The following MID1 variants were observed in gnomAD, a reference collection of about 807,000 sequenced individuals.
The protein encoded by MID1 is E3 ubiquitin-protein ligase Midline-1.
MID1 carries 7 observed loss-of-function variants against 40.4 expected under a neutral mutation model. That is an observed-to-expected ratio of 0.17 (90% confidence interval 0.10 to 0.33). MID1 has a LOEUF of 0.33. Ranked by LOEUF, MID1 falls within the 10% of genes least tolerant of loss-of-function variation. The probability of loss-of-function intolerance (pLI) is 1.00; values close to 1 mark genes in which losing one functional copy is unlikely to be tolerated. For missense variants in MID1, 367 were observed against 558.5 expected (o/e 0.66, Z 3.46); for synonymous variants, 229 against 221.2 (o/e 1.04, Z -0.31).
chrX:10,514,997 T>G (rs1237832201), intron 3 of MID1, among the ~76,000 whole-genome samples: 2 of 111,297 alleles, frequency 1.8e-5, no homozygotes, highest in African/African-American at 6.5e-5. Flanking sequence ...CTTTGGACAT[T>G]CATGTCGGCC....
intron 1 of MID1, among the ~76,000 whole-genome samples, chrX:10,729,173 C>T (rs776483873): frequency 7.1e-4 from 79 of 111,996 alleles, no homozygotes; most frequent in African/African-American, 2.5e-3. Context: ...TCCTGTGTCA[C>T]AGGGGCTTGC....
upstream of MID1, among the ~76,000 whole-genome samples, chrX:10,624,680 G>A (rs944998525): frequency 1.3e-4 from 14 of 111,237 alleles, no homozygotes; most frequent in African/African-American, 4.6e-4. Flanking sequence ...GCATAATCTC[G>A]GCTCACTGCA....
intron 1 of MID1, among the ~76,000 whole-genome samples, chrX:10,782,799 A>C (rs2043856056): frequency 8.9e-6 from 1 of 112,109 alleles, no homozygotes; most frequent in South Asian, 3.7e-4. Context: ...TCAATCAAAA[A>C]TTTAAAACAG....
intron 7 of MID1, 69 bp from the exon 8 acceptor site, chrX:10,459,876 T>C: frequency 4.7e-6 from 5 of 1,068,004 alleles, no homozygotes; most frequent in Non-Finnish European, 6.5e-6. Flanking sequence ...AATTTTAGGT[T>C]GAATAATTTC....
At chrX:10,821,870 G>T (rs986155070) in intron 1 of MID1, among the ~76,000 whole-genome samples, 1 of 110,035 alleles carries the variant, frequency 9.1e-6, no homozygotes, top group Non-Finnish European at 1.9e-5. Context: ...GCCTCTTCTT[G>T]ATCCCTTAGT....
rs778423376 is a variant in MID1, at chrX:10,713,214, T to C, written c.-186-92795A>G. Among the ~76,000 whole-genome samples, 4 of 112,391 alleles carry C rather than the reference T, an allele frequency of 3.6e-5. No individual in the cohort carries two copies. The East Asian group carries it at 1.1e-3, about 31-fold the overall frequency. ...GAGAACCACGCCCGGCCTAGTTCAC[T>C]GTGCTTTAAATCTTCCAGGTGTTGC... is the stretch of plus-strand genomic sequence containing the variant. On this transcript the variant is annotated intron_variant, in intron 1 of 10. Transcript: ENST00000380785.
At chrX:10,731,966 C>CAAAAAAAAAAAAAAA (rs754605735) in intron 1 of MID1, among the ~76,000 whole-genome samples, 2 of 26,650 alleles carry the variant, frequency 7.5e-5, no homozygotes, top group African/African-American at 1.9e-4. Context: ...GAATCTATCA[C>CAAAAAAAAAAAAAAA]AAAAAAAAAA....
chrX:10,519,926 G>A (rs1932626611), intron 3 of MID1, among the ~76,000 whole-genome samples: 1 of 112,140 alleles, frequency 8.9e-6, no homozygotes, highest in African/African-American at 3.2e-5. Context: ...CAAACACAAA[G>A]TATTTTAAGC....
At chrX:10,818,850 A>T (rs759809887) in intron 1 of MID1, among the ~76,000 whole-genome samples, 3 of 111,973 alleles carry the variant, frequency 2.7e-5, no homozygotes, top group Non-Finnish European at 5.6e-5. Context: ...CAAGGTTAGG[A>T]AGTTAAGTGT....
chrX:10,814,821 T>C (rs1224836398), intron 1 of MID1, among the ~76,000 whole-genome samples: 1 of 111,998 alleles, frequency 8.9e-6, no homozygotes, highest in Non-Finnish European at 1.9e-5. Flanking sequence ...TGACACTGAC[T>C]TTTCATTCAG....
intron 1 of MID1, among the ~76,000 whole-genome samples, chrX:10,703,017 C>A (rs2043202219): frequency 8.9e-6 from 1 of 111,907 alleles, no homozygotes; most frequent in South Asian, 3.8e-4. Flanking sequence ...GACTTTCCAG[C>A]CTCCAGAACT....
chrX:10,719,224 G>C (rs2147095052), intron 1 of MID1, among the ~76,000 whole-genome samples: 1 of 110,454 alleles, frequency 9.1e-6, no homozygotes, highest in African/African-American at 3.3e-5. Context: ...AGGAAATAAA[G>C]GGTATTCAAT....
chrX:10,720,194 A>G (rs1169449108), intron 1 of MID1, among the ~76,000 whole-genome samples: 3 of 112,064 alleles, frequency 2.7e-5, no homozygotes, highest in Non-Finnish European at 5.6e-5. Flanking sequence ...GAAAATTGAC[A>G]AATGGGATCC....
At chrX:10,795,013 C>T (rs1602582442) in intron 1 of MID1, among the ~76,000 whole-genome samples, 1 of 111,592 alleles carries the variant, frequency 9.0e-6, no homozygotes, top group Non-Finnish European at 1.9e-5. Context: ...GATTTCTCAG[C>T]CTAGGCACTA....
intron 1 of MID1, among the ~76,000 whole-genome samples, chrX:10,607,823 G>GCCCA (rs1048806151): frequency 8.9e-6 from 1 of 112,150 alleles, no homozygotes; most frequent in African/African-American, 3.2e-5. Flanking sequence ...ATAAATTGAA[G>GCCCA]CCCAGTCTAA....
intron 1 of MID1, among the ~76,000 whole-genome samples, chrX:10,642,890 C>T (rs1156491964): frequency 1.8e-5 from 2 of 110,835 alleles, no homozygotes; most frequent in Non-Finnish European, 3.8e-5. Flanking sequence ...CTTTGACAAA[C>T]CTGACAAAAA....
chrX:10,730,564 CTTTTTT>C (rs1188069622), intron 1 of MID1, among the ~76,000 whole-genome samples: 15 of 78,107 alleles, frequency 1.9e-4, no homozygotes, highest in African/African-American at 7.9e-4. Flanking sequence ...TCAGATACAT[CTTTTTT>C]TTTTTTTTTT....
At position 10,567,357 on chromosome X, in the gene MID1, G is replaced by A. The variant is rs759223555; in HGVS notation, c.191C>T (p.Thr64Ile). ...FQCPTCRHVI[T>I]LSQRGLDGLK... ...CCCGTCTAGACCTCGCTGGCTGAGG[G>A]TGATGACATGCCGGCAGGTGGGGCA... Residue 64 changes from threonine (T) to isoleucine (I), a missense_variant, in exon 2 of 10, where the codon ACC becomes ATC. By Grantham distance (89) the Thr-to-Ile change is moderately conservative. Around this residue, in one of 3 missense-constraint regions of MID1, gnomAD observed 78 missense variants for 112.6 expected, o/e 0.69. Coordinates refer to ENST00000317552, the MANE Select transcript of MID1 (RefSeq NM_000381.4). The A allele has an allele frequency of 1.7e-6, 2 of 1,198,904 alleles. No individual in the cohort carries two copies. Among genetic ancestry groups the A allele is most frequent in the East Asian group, 5.9e-5 (2 of 33,632 alleles).
intron 1 of MID1, among the ~76,000 whole-genome samples, chrX:10,776,211 A>G (rs2043801758): frequency 9.0e-6 from 1 of 111,563 alleles, no homozygotes. Context: ...ATAATATGCC[A>G]AGGTAGGGGC....
Sources: gnomAD v4.1 joint callset for allele counts (sites outside exome capture counted in the v4.1 genomes callset) on GRCh38, gnomAD v4.1.1 for gene constraint, gnomAD v4.1.1 regional missense constraint, MANE v1.5 for transcripts, NCBI Gene and HGNC (gene_info 2026-07-23, HGNC 2026-07-21) for gene names.